The following MYSM1 variants were observed in gnomAD, a reference collection of about 807,000 sequenced individuals.
MYSM1 encodes the protein Myb like, SWIRM and MPN domains 1, also known as deubiquitinase MYSM1.
A neutral mutation model predicts 116.0 loss-of-function variants in MYSM1; 51 were observed. That is an observed-to-expected ratio of 0.44 (90% CI 0.35 to 0.56). The LOEUF (loss-of-function observed/expected upper bound fraction) is 0.56. MYSM1 is among the 20% of genes least tolerant of loss of function. The pLI is 0.00. For synonymous variants in MYSM1, 313 were observed against 315.2 expected (o/e 0.99, Z 0.07); for missense variants, 900 against 974.9 (o/e 0.92, Z 1.02).
At chr1:58,690,680 A>G (rs1190730370) in intron 3 of MYSM1, among the ~76,000 whole-genome samples, 1 of 137,792 alleles carries the variant, frequency 7.3e-6, no homozygotes, top group Non-Finnish European at 1.6e-5. Context: ...TTATTTTGTG[A>G]TTTTTTTTTT....
intron 12 of MYSM1, among the ~76,000 whole-genome samples, chr1:58,670,746 G>T (rs924837637): frequency 2.0e-5 from 3 of 152,112 alleles, no homozygotes; most frequent in Non-Finnish European, 4.4e-5. Context: ...TATACAATGA[G>T]GTTTACATTT....
rs368993288 is a variant in MYSM1 at position 58,667,438 on chromosome 1, CATA to C, written c.1843-215_1843-213del. On this transcript the variant is annotated intron_variant, in intron 15 of 19. Transcript: ENST00000472487. ...ATGCATTTTTCTACTCAAACAAGGT[CATA>C]ATAATGGTTAGTTTTCCAGGTCAGC... Among the ~76,000 whole-genome samples the C allele has an allele frequency of 5.7e-3, 870 of 152,274 alleles. 9 individuals are homozygous for C. Among genetic ancestry groups the C allele is most frequent in the African/African-American group, 0.017 (711 of 41,556 alleles).
chr1:58,685,494 C>T (rs2100659701), intron 6 of MYSM1, among the ~76,000 whole-genome samples: 1 of 152,242 alleles, frequency 6.6e-6, no homozygotes, highest in East Asian at 1.9e-4. Context: ...AAAAGAATAG[C>T]TATCTAAATG....
chr1:58,690,467 T>A, intron 3 of MYSM1, 50 bp from the exon 4 acceptor site: 2 of 1,278,104 alleles, frequency 1.6e-6, no homozygotes, highest in Non-Finnish European at 2.2e-6. Context: ...GTCATGTAAT[T>A]TTTACATTAC....
In MYSM1 at chr1:58,698,741, T is replaced by C. The variant is rs147825536; in HGVS notation, c.68+1244A>G. The stretch of plus-strand genomic sequence containing the variant: ...AAATCAAACATGCAAAAGCACTTGG[T>C]CAAGATTTAAACACTAAATGAATGT... On this transcript the variant is annotated intron_variant, in intron 1 of 19. Coordinates refer to ENST00000472487, the MANE Select transcript of MYSM1 (RefSeq NM_001085487.3). Among the ~76,000 whole-genome samples the C allele has an allele frequency of 8.9e-3, 1,352 of 152,286 alleles. 16 individuals are homozygous for C. The highest frequency in any genetic ancestry group is 0.031 in the African/African-American group (1,274 of 41,550).
intron 7 of MYSM1, among the ~76,000 whole-genome samples, chr1:58,684,670 T>A (rs1644800555): frequency 6.6e-6 from 1 of 152,080 alleles, no homozygotes; most frequent in African/African-American, 2.4e-5. Flanking sequence ...CAATTAAACC[T>A]TTCTTAACAC....
chr1:58,671,893 T>C lies in MYSM1; in HGVS notation c.1638A>G (p.Leu546=). ...ACCTTTTTGTTGGTCTTGGCACTTT[T>C]AAAGATTTAACAGGTCTGCCTTTTT... ...EEEKGRPVKS[L]KVPRPTKSSF... is the part of the protein sequence containing the mutation. The change falls in exon 12 of 20, where the codon TTA becomes TTG. Residue 546 remains leucine (L), a synonymous_variant. Coordinates refer to ENST00000472487, the MANE Select transcript of MYSM1 (RefSeq NM_001085487.3). 1 of 1,613,460 alleles carries C rather than the reference T, an allele frequency of 6.2e-7. No homozygotes were observed. The highest frequency in any genetic ancestry group is 8.5e-7 in the Non-Finnish European group (1 of 1,179,686).
At chr1:58,674,958 G>T (rs1569744092) in intron 10 of MYSM1, among the ~76,000 whole-genome samples, 2 of 149,414 alleles carry the variant, frequency 1.3e-5, no homozygotes. Flanking sequence ...AAAAAGTGTT[G>T]GATCACATTT....
At chr1:58,689,214 T>C (rs1644870078) in intron 5 of MYSM1, 98 bp from the exon 6 acceptor site, 9 of 835,246 alleles carry the variant, frequency 1.1e-5, no homozygotes, top group Non-Finnish European at 1.3e-5. Context: ...CTAAATTCAA[T>C]ACTTTGAGTC....
chr1:58,685,120 C>T, intron 7 of MYSM1, 33 bp downstream of exon 7: 1 of 1,481,820 alleles, frequency 6.7e-7, no homozygotes, highest in Non-Finnish European at 9.1e-7. Context: ...TAAATATTAT[C>T]ATTATTAACC....
At chr1:58,660,751 C>T (rs1644378771) in intron 19 of MYSM1, among the ~76,000 whole-genome samples, 1 of 152,022 alleles carries the variant, frequency 6.6e-6, no homozygotes. Context: ...CGTGAACTGA[C>T]AGAATTCAAA....
rs1462070962 is a variant in MYSM1, at chr1:58,689,106, G to T, written c.331C>A (p.Pro111Thr). 6.2e-7 allele frequency: 1 copy of T among 1,609,270 alleles called. No individual in the cohort carries two copies. Among genetic ancestry groups the T allele is most frequent in the African/African-American group, 1.3e-5 (1 of 74,630 alleles). ...ACTGAGTAACTGGCTGGTTTTGTAG[G>T]AGAGTGTACCCTGAGGGGAAAAAAA... ...QKTAKIMVHS[P>T]TKPASYSVKW... is the part of the protein sequence containing the mutation. The change falls in exon 6 of 20, where the codon CCT (proline) becomes ACT (threonine). Residue 111 changes from proline to threonine, a missense_variant. Around this residue, in one of 3 missense-constraint regions of MYSM1, gnomAD observed 622 missense variants for 623.7 expected, o/e 1.00. Coordinates refer to ENST00000472487, the MANE Select transcript of MYSM1 (RefSeq NM_001085487.3).
intron 2 of MYSM1, among the ~76,000 whole-genome samples, chr1:58,693,155 T>G (rs1359995294): frequency 6.6e-6 from 1 of 152,156 alleles, no homozygotes; most frequent in Non-Finnish European, 1.5e-5. Flanking sequence ...AGCAGAGACT[T>G]TACACCTGAG....
chr1:58,667,978 A>G (rs1644500984), intron 14 of MYSM1, 57 bp from the exon 15 acceptor site: 4 of 1,159,140 alleles, frequency 3.5e-6, no homozygotes, highest in Non-Finnish European at 5.2e-6. Context: ...TGACAAAGTA[A>G]CAAAACTCAC....
Position 58,682,208 on chromosome 1 carries a change from C to G in MYSM1, c.836G>C (p.Cys279Ser), listed in dbSNP as rs374418454. 6.2e-7 allele frequency: 1 copy of G among 1,612,990 alleles called. No homozygotes were observed. Among genetic ancestry groups the G allele is most frequent in the Non-Finnish European group, 8.5e-7 (1 of 1,179,084 alleles). ...TTCATCTTGCTTTTCATTTTGAAGA[C>G]AGCCCCTGGAAGACTTAGAAAAGAG... is the stretch of plus-strand genomic sequence containing the variant. ...EALFSKSSRG[C>S]LQNEKQDETL... The change falls in exon 8 of 20, where the codon TGT becomes TCT. Residue 279 changes from cysteine to serine, a missense_variant. By Grantham distance (112) the Cys-to-Ser change is moderately radical. Transcript: ENST00000472487.
intron 15 of MYSM1, among the ~76,000 whole-genome samples, chr1:58,667,499 A>G (rs1156429179): frequency 6.6e-6 from 1 of 152,172 alleles, no homozygotes; most frequent in Non-Finnish European, 1.5e-5. Flanking sequence ...TATTCTTTCA[A>G]TGACTCCTGT....
chr1:58,675,460 G>C lies in MYSM1; in HGVS notation c.1494+17C>G. The C allele has an allele frequency of 6.4e-7, 1 of 1,574,610 alleles. No individual in the cohort carries two copies. ...AGCAGCAATGTGGAGAGATCACTGA[G>C]AGAGATGACTGCTTACCATAGACTG... is the stretch of plus-strand genomic sequence containing the variant. On this transcript the variant is annotated intron_variant, in intron 10 of 19. Transcript: ENST00000472487.
At chr1:58,691,044 C>T (rs1289220453) in intron 3 of MYSM1, among the ~76,000 whole-genome samples, 1 of 152,004 alleles carries the variant, frequency 6.6e-6, no homozygotes, top group Non-Finnish European at 1.5e-5. Context: ...CTTTGGAAGG[C>T]CGAGGCAGGC....
At chr1:58,680,560 C>T (rs1288656992) in intron 8 of MYSM1, among the ~76,000 whole-genome samples, 1 of 152,142 alleles carries the variant, frequency 6.6e-6, no homozygotes, top group Admixed American at 6.5e-5. Flanking sequence ...AGAATACAGC[C>T]ATCTTTAAAA....
Sources: allele counts gnomAD v4.1 joint callset (sites outside exome capture counted in the v4.1 genomes callset), GRCh38; gene constraint gnomAD v4.1.1; regional missense constraint gnomAD v4.1.1; transcripts MANE v1.5; gene names NCBI Gene and HGNC (gene_info 2026-07-23, HGNC 2026-07-21).